The following RAD51B variants were observed in gnomAD, a reference collection of about 807,000 sequenced individuals.
RAD51B encodes RAD51 paralog B.
RAD51B carries 38 observed loss-of-function variants against 42.2 expected under a neutral mutation model. The observed-to-expected ratio is 0.90, with a 90% CI of 0.70 to 1.18. The LOEUF is 1.18. Ranked by LOEUF, RAD51B falls within the 50% of genes most tolerant of loss-of-function variation. The pLI, the probability that RAD51B is intolerant of heterozygous loss-of-function variation, is 0.00. For missense variants in RAD51B, 373 were observed against 400.7 expected (o/e 0.93, Z 0.59); for synonymous variants, 154 against 145.2 (o/e 1.06, Z -0.43).
chr14:68,155,380 G>A (rs2078480734), intron 7 of RAD51B, among the ~76,000 whole-genome samples: 1 of 151,948 alleles, frequency 6.6e-6, no homozygotes, highest in Non-Finnish European at 1.5e-5. Context: ...TTTTAGTAGA[G>A]ACGGGGTTTC....
intron 11 of RAD51B, among the ~76,000 whole-genome samples, chr14:68,682,697 C>T (rs1017871227): frequency 3.3e-5 from 5 of 152,072 alleles, no homozygotes; most frequent in African/African-American, 1.2e-4. Flanking sequence ...CCGCCCTCCC[C>T]GCCCCCCACG....
chr14:68,589,099 C>T lies in RAD51B; in HGVS notation c.1037-5386C>T, dbSNP rs1194235751. On this transcript the variant is annotated intron_variant, in intron 10 of 10. Coordinates refer to the RAD51B transcript ENST00000487270. ...GCTAATACGAGAATCTCCTTGAAGACAGCCATGCATGTCTCCACCCATTCT... is the reference window on the plus strand; with the variant it reads ...GCTAATACGAGAATCTCCTTGAAGATAGCCATGCATGTCTCCACCCATTCT... Among the ~76,000 whole-genome samples the T allele has an allele frequency of 3.3e-5, 5 of 152,230 alleles. No homozygotes were observed. The East Asian group carries it at 9.6e-4, about 29-fold the overall frequency.
chr14:67,937,659 G>A (rs2045005865), intron 7 of RAD51B, among the ~76,000 whole-genome samples: 2 of 152,142 alleles, frequency 1.3e-5, no homozygotes, highest in South Asian at 4.1e-4. Context: ...AATTGAGCAG[G>A]TAGACTGTGT....
At chr14:68,584,914 A>G (rs1022740212) in intron 10 of RAD51B, among the ~76,000 whole-genome samples, 5 of 152,216 alleles carry the variant, frequency 3.3e-5, no homozygotes, top group African/African-American at 1.2e-4. Context: ...AGGTTGTTGT[A>G]ACTTGCCAGG....
chr14:67,953,096 A>G (rs1014388638), intron 7 of RAD51B, among the ~76,000 whole-genome samples: 2 of 152,190 alleles, frequency 1.3e-5, no homozygotes, highest in African/African-American at 4.8e-5. Flanking sequence ...GAAGAGGTAG[A>G]ATATAAATAT....
intron 7 of RAD51B, among the ~76,000 whole-genome samples, chr14:68,155,746 A>G (rs887614356): frequency 6.6e-6 from 1 of 152,212 alleles, no homozygotes; most frequent in African/African-American, 2.4e-5. Context: ...AAAAGTAGAA[A>G]AGTTCATGGG....
chr14:68,388,130 G>C (rs938964108), intron 8 of RAD51B, among the ~76,000 whole-genome samples: 1 of 139,462 alleles, frequency 7.2e-6, no homozygotes. Context: ...GCCTCTCTCT[G>C]TCACCCAGGC....
At chr14:68,123,045 C>G (rs892420798) in intron 7 of RAD51B, among the ~76,000 whole-genome samples, 5 of 152,038 alleles carry the variant, frequency 3.3e-5, no homozygotes, top group Admixed American at 1.3e-4. Flanking sequence ...GGGGGTTTTG[C>G]TGTGTGAGAA....
downstream of RAD51B, among the ~76,000 whole-genome samples, chr14:68,612,104 G>A (rs1454163776): frequency 6.6e-6 from 1 of 152,192 alleles, no homozygotes; most frequent in Non-Finnish European, 1.5e-5. Flanking sequence ...CACAACTTGG[G>A]ACAGAAAAAT....
chr14:68,504,670 T>TTTTTTTTTTTC (rs1885173711), intron 10 of RAD51B, among the ~76,000 whole-genome samples: 1 of 96,380 alleles, frequency 1.0e-5, no homozygotes, highest in African/African-American at 3.9e-5. Context: ...TTCTTTTTTT[T>TTTTTTTTTTTC]TTTTTTTTTT....
intron 7 of RAD51B, among the ~76,000 whole-genome samples, chr14:68,072,814 G>A (rs532337509): frequency 4.3e-4 from 65 of 152,284 alleles, no homozygotes; most frequent in African/African-American, 1.1e-3. Context: ...GGAGCAGATT[G>A]TTTAATTTCC....
chr14:67,857,923 C>A (rs577816082), intron 4 of RAD51B: 3 of 152,448 alleles, frequency 2.0e-5, no homozygotes, highest in African/African-American at 7.2e-5. Flanking sequence ...CAGCACAGCT[C>A]GGAGTGCCAG....
intron 7 of RAD51B, among the ~76,000 whole-genome samples, chr14:68,044,135 T>C (rs1298000144): frequency 1.3e-5 from 2 of 152,226 alleles, no homozygotes; most frequent in African/African-American, 2.4e-5. Flanking sequence ...CTCAAATGAC[T>C]GCTCTCACTG....
intron 8 of RAD51B, among the ~76,000 whole-genome samples, chr14:68,307,717 C>A (rs1375471752): frequency 1.3e-5 from 2 of 152,192 alleles, no homozygotes; most frequent in African/African-American, 4.8e-5. Flanking sequence ...GCTTCACCAG[C>A]CAAACTCCAG....
intron 7 of RAD51B, among the ~76,000 whole-genome samples, chr14:68,078,732 G>A (rs10140465): frequency 0.06 from 9,133 of 152,204 alleles, 642 homozygotes; most frequent in African/African-American, 0.17. Context: ...GCTCATGCCC[G>A]TAGTCCCAGC....
At chr14:68,487,221 C>T (rs555484785) in intron 10 of RAD51B, among the ~76,000 whole-genome samples, 19 of 152,302 alleles carry the variant, frequency 1.2e-4, no homozygotes, top group East Asian at 9.7e-4. Context: ...TTGGTTTCTC[C>T]GGAGGCCTCT....
Position 68,591,112 on chromosome 14 carries a change from G to A in RAD51B, c.1037-3373G>A, listed in dbSNP as rs1331794622. Among the ~76,000 whole-genome samples the A allele has an allele frequency of 3.9e-5, 6 of 152,302 alleles. No homozygotes were observed. The South Asian group carries it at 8.3e-4, about 21-fold the overall frequency. ...AAAACTCCAGTTTTTCTTCATTTAT[G>A]TTTTGGTGGCTGAGGTGGAGCATCT... On this transcript the variant is annotated intron_variant, in intron 10 of 10. Coordinates refer to the RAD51B transcript ENST00000487270.
chr14:67,972,401 CT>C (rs2074916139), intron 7 of RAD51B, among the ~76,000 whole-genome samples: 1 of 151,970 alleles, frequency 6.6e-6, no homozygotes, highest in South Asian at 2.1e-4. Flanking sequence ...TGGGAAGGGC[CT>C]AGACTTTAGA....
intron 7 of RAD51B, among the ~76,000 whole-genome samples, chr14:68,278,982 T>C (rs775295716): frequency 2.0e-5 from 3 of 152,228 alleles, no homozygotes; most frequent in Non-Finnish European, 4.4e-5. Context: ...ATGAGGTTTC[T>C]TTTCATTTTT....
Sources: gnomAD v4.1 joint callset for allele counts (sites outside exome capture counted in the v4.1 genomes callset) on GRCh38, gnomAD v4.1.1 for gene constraint, MANE v1.5 for transcripts, NCBI Gene and HGNC (gene_info 2026-07-23, HGNC 2026-07-21) for gene names.